SLC4A4: variants seen among roughly 807,000 people sequenced by gnomAD.
SLC4A4 encodes solute carrier family 4 member 4, also known as electrogenic sodium bicarbonate cotransporter 1.
A neutral mutation model predicts 111.5 loss-of-function variants in SLC4A4; 27 were observed. The ratio of observed to expected loss-of-function variants is 0.24; its 90% CI spans 0.18 to 0.33. The LOEUF (loss-of-function observed/expected upper bound fraction) is 0.33, where lower values mean the gene tolerates loss of function less well. Ranked by LOEUF, SLC4A4 falls within the 10% of genes least tolerant of loss-of-function variation. SLC4A4 has a pLI of 1.00. For synonymous variants in SLC4A4, 443 were observed against 463.4 expected (o/e 0.96, Z 0.57); for missense variants, 909 against 1,315.5 (o/e 0.69, Z 4.78).
intron 20 of SLC4A4, among the ~76,000 whole-genome samples, chr4:71,550,878 G>A (rs1334867996): frequency 6.6e-6 from 1 of 151,826 alleles, no homozygotes; most frequent in Non-Finnish European, 1.5e-5. Context: ...CGTCTTTTAT[G>A]TGGAAGAATG....
chr4:71,172,680 A>C (rs1744978111), intron 2 of SLC4A4, among the ~76,000 whole-genome samples: 1 of 152,252 alleles, frequency 6.6e-6, no homozygotes, highest in Non-Finnish European at 1.5e-5. Context: ...ATTCTGAGTA[A>C]AATGTTAGTT....
chr4:71,274,473 T>A (rs1223612802), intron 3 of SLC4A4, among the ~76,000 whole-genome samples: 1 of 152,158 alleles, frequency 6.6e-6, no homozygotes, highest in Non-Finnish European at 1.5e-5. Context: ...GAATTAAACA[T>A]GAAGAAATAA....
At chr4:71,552,108 A>G (rs1349819367) in intron 20 of SLC4A4, among the ~76,000 whole-genome samples, 1 of 151,878 alleles carries the variant, frequency 6.6e-6, no homozygotes, top group African/African-American at 2.4e-5. Context: ...TCTTCATGAT[A>G]ATTATGACAT....
intron 3 of SLC4A4, among the ~76,000 whole-genome samples, chr4:71,327,623 T>A (rs969689597): frequency 6.6e-6 from 1 of 151,984 alleles, no homozygotes; most frequent in Admixed American, 6.6e-5. Flanking sequence ...AAAATATTAG[T>A]TATTGCTTAT....
intron 6 of SLC4A4, among the ~76,000 whole-genome samples, chr4:71,388,239 T>G (rs998266810): frequency 3.9e-5 from 6 of 151,942 alleles, no homozygotes; most frequent in Admixed American, 6.6e-5. Context: ...TCTTCATAAT[T>G]GTTGTGTGTG....
At chr4:71,101,045 G>A (rs992243324) in intron 2 of SLC4A4, among the ~76,000 whole-genome samples, 3 of 152,026 alleles carry the variant, frequency 2.0e-5, no homozygotes, top group South Asian at 2.1e-4. Flanking sequence ...GGATCACGAG[G>A]TCAGGAGATT....
At chr4:71,156,836 ATTC>A (rs1307409993) in intron 2 of SLC4A4, among the ~76,000 whole-genome samples, 1 of 152,176 alleles carries the variant, frequency 6.6e-6, no homozygotes, top group Non-Finnish European at 1.5e-5. Context: ...TGAGGTGACG[ATTC>A]TTTTCTGCTC....
intron 2 of SLC4A4, among the ~76,000 whole-genome samples, chr4:71,167,135 A>G (rs1195972431): frequency 6.6e-6 from 1 of 152,232 alleles, no homozygotes; most frequent in Non-Finnish European, 1.5e-5. Context: ...GATGGCAGGG[A>G]GTCGGAATCA....
At chr4:71,163,128 CAG>C (rs1407326685) in intron 2 of SLC4A4, among the ~76,000 whole-genome samples, 1 of 152,198 alleles carries the variant, frequency 6.6e-6, no homozygotes, top group East Asian at 1.9e-4. Flanking sequence ...TATTTGGTCA[CAG>C]GGGTAGACAG....
intron 19 of SLC4A4, among the ~76,000 whole-genome samples, chr4:71,547,349 A>G (rs1259806039): frequency 6.6e-6 from 1 of 152,018 alleles, no homozygotes; most frequent in African/African-American, 2.4e-5. Flanking sequence ...GAGTCCAGTA[A>G]TTGATGGACC....
At chr4:71,227,088 A>G (rs1447580513) in intron 1 of SLC4A4, among the ~76,000 whole-genome samples, 2 of 152,182 alleles carry the variant, frequency 1.3e-5, no homozygotes, top group Non-Finnish European at 2.9e-5. Context: ...AGGCACATTC[A>G]GGAAGCCAAT....
At chr4:71,344,306 G>T (rs1729140869) in intron 4 of SLC4A4, among the ~76,000 whole-genome samples, 1 of 152,076 alleles carries the variant, frequency 6.6e-6, no homozygotes. Context: ...GAGTGAATAT[G>T]CTTCTGGAAA....
intron 2 of SLC4A4, among the ~76,000 whole-genome samples, chr4:71,144,009 G>A (rs1744089044): frequency 6.6e-6 from 1 of 152,184 alleles, no homozygotes; most frequent in Non-Finnish European, 1.5e-5. Flanking sequence ...TTTTAGTCAT[G>A]AAGTCCTTGC....
rs952143591 is a variant in SLC4A4 at position 71,569,156 on chromosome 4, C to G, written c.*1405C>G. The G allele has an allele frequency of 6.6e-6, 1 of 151,354 alleles. No individual in the cohort carries two copies. Among genetic ancestry groups the G allele is most frequent in the East Asian group, 2.0e-4 (1 of 5,124 alleles). 9.4% of individuals were successfully genotyped at this position (151,354 alleles called of 1,614,324 possible). On this transcript the variant is annotated 3_prime_UTR_variant, in exon 26 of 26. Coordinates refer to ENST00000264485, the MANE Select transcript of SLC4A4 (RefSeq NM_001098484.3). Reference sequence around the variant, plus strand: ...TCTCTTATGCCAGTTTTCATAAAACCCAAACCACATATGAAAAAATCCATT... The same window carrying G: ...TCTCTTATGCCAGTTTTCATAAAACGCAAACCACATATGAAAAAATCCATT...
At chr4:71,246,794 C>G (rs1050912979) in intron 2 of SLC4A4, among the ~76,000 whole-genome samples, 1 of 151,910 alleles carries the variant, frequency 6.6e-6, no homozygotes, top group Non-Finnish European at 1.5e-5. Context: ...AGGACTGGTA[C>G]CATGATAGTG....
chr4:71,228,663 T>A (rs1719204614), intron 1 of SLC4A4, among the ~76,000 whole-genome samples: 1 of 152,220 alleles, frequency 6.6e-6, no homozygotes, highest in Non-Finnish European at 1.5e-5. Flanking sequence ...CTGACCACCA[T>A]GTAGAATAAT....
At chr4:71,473,210 A>C in intron 14 of SLC4A4, 1 of 644,840 alleles carries the variant, frequency 1.6e-6, no homozygotes, top group East Asian at 2.7e-5. Flanking sequence ...ATATTTTGAA[A>C]TTAACTCAAA....
chr4:71,168,402 C>T (rs568571420), intron 2 of SLC4A4, among the ~76,000 whole-genome samples: 95 of 151,928 alleles, frequency 6.3e-4, no homozygotes, highest in African/African-American at 2.1e-3. Flanking sequence ...AGGCTGGTCT[C>T]GAACTCCTGA....
intron 3 of SLC4A4, among the ~76,000 whole-genome samples, chr4:71,275,282 T>C (rs1308586193): frequency 1.3e-5 from 2 of 152,300 alleles, no homozygotes; most frequent in South Asian, 2.1e-4. Context: ...TAAGTCTAAA[T>C]AGCAGAACAC....
Sources: gnomAD v4.1 joint callset for allele counts (sites outside exome capture counted in the v4.1 genomes callset) on GRCh38, gnomAD v4.1.1 for gene constraint, MANE v1.5 for transcripts, NCBI Gene and HGNC (gene_info 2026-07-23, HGNC 2026-07-21) for gene names.